EPB41L3: variants seen among roughly 807,000 people sequenced by gnomAD.
EPB41L3 encodes erythrocyte membrane protein band 4.1 like 3.
In EPB41L3, 57 loss-of-function variants were observed where a neutral mutation model predicts 127.1. That is an observed-to-expected ratio of 0.45 (90% CI 0.36 to 0.56). The LOEUF (loss-of-function observed/expected upper bound fraction) is 0.56. Among genes scored for constraint, EPB41L3 ranks in the 20% least tolerant of loss-of-function variants. EPB41L3 has a pLI of 0.00. For synonymous variants in EPB41L3, 572 were observed against 549.5 expected (o/e 1.04, Z -0.57); for missense variants, 1,273 against 1,372.2 (o/e 0.93, Z 1.14).
intron 1 of EPB41L3, among the ~76,000 whole-genome samples, chr18:5,518,168 C>T (rs2148771496): frequency 6.6e-6 from 1 of 152,208 alleles, no homozygotes; most frequent in Non-Finnish European, 1.5e-5. Context: ...TCAGGGAGAC[C>T]ATGGCCTTTC....
intron 3 of EPB41L3, among the ~76,000 whole-genome samples, chr18:5,477,093 A>G (rs1305414338): frequency 1.3e-5 from 2 of 152,228 alleles, no homozygotes; most frequent in Non-Finnish European, 2.9e-5. Context: ...ATCCTAAATG[A>G]ATTCAGCGTG....
Position 5,504,012 on chromosome 18 carries a change from T to C in EPB41L3, c.-11-14818A>G, listed in dbSNP as rs574617400. ...AGTAATGATTATTGCTGAAAACATC[T>C]TATTTCCTCTTCTTTCCAAAGAAGT... On this transcript the variant is annotated intron_variant, in intron 1 of 22. Coordinates refer to ENST00000341928, the MANE Select transcript of EPB41L3 (RefSeq NM_012307.5). 5.9e-5 allele frequency among the ~76,000 whole-genome samples: 9 copies of C among 152,348 alleles called. No individual in the cohort carries two copies. In the South Asian group the frequency reaches 1.7e-3, roughly 28 times the overall value.
intron 3 of EPB41L3, among the ~76,000 whole-genome samples, chr18:5,566,730 T>TTCTAA (rs1263357434): frequency 1.2e-5 from 1 of 82,178 alleles, no homozygotes; most frequent in African/African-American, 4.5e-5. Context: ...TTCCATTCTA[T>TTCTAA]TCTATTCTAT....
At chr18:5,477,661 T>G (rs2087514206) in intron 3 of EPB41L3, among the ~76,000 whole-genome samples, 1 of 152,192 alleles carries the variant, frequency 6.6e-6, no homozygotes, top group South Asian at 2.1e-4. Context: ...CAAACATCTC[T>G]GACAAAAGGC....
chr18:5,479,528 T>G (rs2147949863), intron 2 of EPB41L3: 1 of 152,264 alleles, frequency 6.6e-6, no homozygotes, highest in East Asian at 1.9e-4. Flanking sequence ...TTATTTTGGG[T>G]TTTAGGTACA....
chr18:5,407,035 T>C, intron 15 of EPB41L3, 67 bp from the exon 16 acceptor site: 2 of 1,492,690 alleles, frequency 1.3e-6, no homozygotes, highest in Middle Eastern at 1.8e-4. Context: ...AGCTCTTTTG[T>C]TTGCTTTAAA....
In EPB41L3 at chr18:5,556,094, T is replaced by C. The variant is rs114005016; in HGVS notation, c.-306+56246A>G. Reference sequence around the variant, plus strand: ...ACCACTGTGTCCCCAACCTGCACACTGCCTGGCATGTAAGAGACGCTCAGT... The same window carrying C: ...ACCACTGTGTCCCCAACCTGCACACCGCCTGGCATGTAAGAGACGCTCAGT... On this transcript the variant is annotated intron_variant, in intron 3 of 21. Transcript: ENST00000545076. Among the ~76,000 whole-genome samples the C allele has an allele frequency of 6.8e-3, 1,032 of 152,318 alleles. 10 individuals carry two copies. The highest frequency in any genetic ancestry group is 0.023 in the African/African-American group (975 of 41,564).
rs1373470217 is a variant in EPB41L3 at position 5,489,172 on chromosome 18, T to C, written c.12A>G (p.Glu4=). The C allele has an allele frequency of 2.5e-6, 4 of 1,595,360 alleles. No homozygotes were observed. The Admixed American group carries it at 5.4e-5, about 22-fold the overall frequency. Residue 4 remains glutamate, a synonymous_variant, in exon 2 of 23, where the codon GAA becomes GAG. Coordinates refer to ENST00000341928, the MANE Select transcript of EPB41L3 (RefSeq NM_012307.5). Reference sequence around the variant, plus strand: ...GCTTGGATTCCGAGTCTGATCCAGATTCGGTCGTCATGGTTGATTGTTCTG... The same window carrying C: ...GCTTGGATTCCGAGTCTGATCCAGACTCGGTCGTCATGGTTGATTGTTCTG... MTT[E]SGSDSESKPD... is the part of the protein sequence containing the mutation.
At position 5,427,903 on chromosome 18, in the gene EPB41L3, G is replaced by T. The variant is rs193283443; in HGVS notation, c.1065+410C>A. 7.0e-3 allele frequency among the ~76,000 whole-genome samples: 1,070 copies of T among 152,022 alleles called. 17 individuals carry two copies. The highest frequency in any genetic ancestry group is 0.024 in the African/African-American group (982 of 41,466). On this transcript the variant is annotated intron_variant, in intron 9 of 22. Coordinates refer to ENST00000341928, the MANE Select transcript of EPB41L3 (RefSeq NM_012307.5). ...TGGGAATATAGGCACCTGCCACTAC[G>T]CCCGGCTAATTTTTTGTATATTTAG... is the stretch of plus-strand genomic sequence containing the variant.
intron 6 of EPB41L3, among the ~76,000 whole-genome samples, chr18:5,435,575 C>G (rs533236728): frequency 1.3e-5 from 2 of 152,336 alleles, no homozygotes; most frequent in East Asian, 3.9e-4. Flanking sequence ...ATCCTAGAGC[C>G]TAGATGACTA....
intron 1 of EPB41L3, among the ~76,000 whole-genome samples, chr18:5,627,123 C>T (rs1348047096): frequency 6.6e-6 from 1 of 152,122 alleles, no homozygotes; most frequent in Non-Finnish European, 1.5e-5. Flanking sequence ...CAAATTCAGA[C>T]CACAGGACCC....
intron 1 of EPB41L3, among the ~76,000 whole-genome samples, chr18:5,519,234 T>C (rs1407202077): frequency 6.6e-6 from 1 of 152,240 alleles, no homozygotes; most frequent in East Asian, 1.9e-4. Flanking sequence ...CATGTATCCC[T>C]GTTCATGGGT....
At chr18:5,539,249 TC>T in intron 1 of EPB41L3, among the ~76,000 whole-genome samples, 3 of 354 alleles carry the variant, frequency 8.5e-3, no homozygotes, top group African/African-American at 0.012. Context: ...CTTTCTGCTT[TC>T]TCTCTCTCTC....
At chr18:5,400,698 A>G (rs1461502077) in intron 16 of EPB41L3, 3 of 507,844 alleles carry the variant, frequency 5.9e-6, no homozygotes, top group Non-Finnish European at 1.1e-5. Context: ...ACAACATTTC[A>G]GCAAGATTAT....
intron 3 of EPB41L3, among the ~76,000 whole-genome samples, chr18:5,450,472 G>T (rs1170778173): frequency 6.6e-6 from 1 of 151,090 alleles, no homozygotes; most frequent in Non-Finnish European, 1.5e-5. Context: ...AACTGGGGGG[G>T]GTGAGGGGAA....
At chr18:5,494,141 C>A (rs7242448) in intron 1 of EPB41L3, among the ~76,000 whole-genome samples, 22,829 of 152,040 alleles carry the variant, frequency 0.15, 1,828 homozygotes, top group Non-Finnish European at 0.17. Context: ...ATCTCAGAAG[C>A]ACCTAAAACC....
intron 1 of EPB41L3, among the ~76,000 whole-genome samples, chr18:5,524,897 C>T (rs1172234023): frequency 6.6e-6 from 1 of 152,144 alleles, no homozygotes; most frequent in Non-Finnish European, 1.5e-5. Context: ...GTCATCCCCA[C>T]AAAGGAGTGA....
At chr18:5,398,266 G>A in intron 16 of EPB41L3, 123 bp from the exon 17 acceptor site, 1 of 1,126,800 alleles carries the variant, frequency 8.9e-7, no homozygotes, top group South Asian at 1.5e-5. Flanking sequence ...AAGAACGAAG[G>A]AATCTCAGAG....
At chr18:5,410,882 T>G (rs986485998) in intron 13 of EPB41L3, among the ~76,000 whole-genome samples, 1 of 152,228 alleles carries the variant, frequency 6.6e-6, no homozygotes, top group Admixed American at 6.5e-5. Flanking sequence ...CTGACCTGTC[T>G]GGTTCTATGT....
Sources: allele counts gnomAD v4.1 joint callset (sites outside exome capture counted in the v4.1 genomes callset), GRCh38; gene constraint gnomAD v4.1.1; transcripts MANE v1.5; gene names NCBI Gene and HGNC (gene_info 2026-07-23, HGNC 2026-07-21).